TTC23L: variants seen among roughly 807,000 people sequenced by gnomAD.
The protein encoded by TTC23L is tetratricopeptide repeat protein 23-like.
A neutral mutation model predicts 48.1 loss-of-function variants in TTC23L; 42 were observed. That is an observed-to-expected ratio of 0.87 (90% CI 0.68 to 1.13). The LOEUF is 1.13. Among genes scored for constraint, TTC23L ranks in the 50% most tolerant of loss-of-function variants. TTC23L has a pLI of 0.00. For missense variants in TTC23L, 391 were observed against 421.0 expected (o/e 0.93, Z 0.62); for synonymous variants, 159 against 157.2 (o/e 1.01, Z -0.09).
At chr5:34,909,554 GA>G in the TTC23L span, among the ~76,000 whole-genome samples, 40 of 152,252 alleles carry the variant, frequency 2.6e-4, no homozygotes, top group Admixed American at 2.1e-3. Context: ...TGGGTTTGAA[GA>G]AAATCAATTG....
At chr5:34,877,933 T>G (rs1163819404) in intron 8 of TTC23L, among the ~76,000 whole-genome samples, 1 of 152,190 alleles carries the variant, frequency 6.6e-6, no homozygotes, top group Non-Finnish European at 1.5e-5. Context: ...TTAGAAAATT[T>G]GAAAGAATCA....
At chr5:34,911,868 C>T in the TTC23L span, 2 of 1,564,082 alleles carry the variant, frequency 1.3e-6, no homozygotes, top group African/African-American at 2.7e-5. Flanking sequence ...GGTTCAGCTT[C>T]TCCTCGAAAT....
chr5:34,909,006 C>G, the TTC23L span: 3 of 1,399,476 alleles, frequency 2.1e-6, no homozygotes. Flanking sequence ...GCTCAGAACT[C>G]CCAAGTAAAG....
chr5:34,923,389 T>C, the TTC23L span: 1 of 618,690 alleles, frequency 1.6e-6, no homozygotes, highest in Non-Finnish European at 2.9e-6. Flanking sequence ...AAGCTTCTGC[T>C]CCCTCAGTCT....
At chr5:34,869,349 G>T in intron 8 of TTC23L, 1 of 213,462 alleles carries the variant, frequency 4.7e-6, no homozygotes, top group Non-Finnish European at 9.7e-6. Context: ...GTGATAAATG[G>T]GTAGAGCTTT....
At chr5:34,860,411 C>T (rs1561132185) in intron 4 of TTC23L, among the ~76,000 whole-genome samples, 1 of 152,214 alleles carries the variant, frequency 6.6e-6, no homozygotes, top group Non-Finnish European at 1.5e-5. Flanking sequence ...CAAGTGTGGT[C>T]CTCAGACAAC....
intron 4 of TTC23L, among the ~76,000 whole-genome samples, chr5:34,854,384 T>C (rs1759946398): frequency 6.6e-6 from 1 of 152,236 alleles, no homozygotes; most frequent in African/African-American, 2.4e-5. Context: ...AAGCTTTCTT[T>C]GAGAATAGCC....
chr5:34,913,487 C>T, the TTC23L span: 1 of 1,583,468 alleles, frequency 6.3e-7, no homozygotes, highest in African/African-American at 1.4e-5. Context: ...AGGACTTGAT[C>T]CAAAAATAGA....
the TTC23L span, chr5:34,911,601 C>T: frequency 1.1e-3 from 1,746 of 1,614,126 alleles, 2 homozygotes; most frequent in Middle Eastern, 2.0e-3. Context: ...GGACTTCACT[C>T]GTCATATCCA....
the TTC23L span, chr5:34,907,864 C>T: frequency 1.3e-5 from 2 of 152,118 alleles, no homozygotes; most frequent in African/African-American, 4.8e-5. Context: ...TCATCTCATA[C>T]AATTAAATGC....
chr5:34,911,790 C>T, the TTC23L span: 4 of 1,614,038 alleles, frequency 2.5e-6, no homozygotes, highest in African/African-American at 5.3e-5. Context: ...CTTGGTAACA[C>T]ATTCGAAGTG....
intron 9 of TTC23L, among the ~76,000 whole-genome samples, chr5:34,892,136 A>G (rs1485811372): frequency 1.3e-5 from 2 of 152,194 alleles, no homozygotes; most frequent in Non-Finnish European, 2.9e-5. Context: ...TGCAAACTTC[A>G]GCATCTTGCT....
Position 34,844,444 on chromosome 5 carries a change from C to CAAAAAA in TTC23L, c.69-1031_69-1026dup, listed in dbSNP as rs10675653. On this transcript the variant is annotated intron_variant, in intron 2 of 10. Coordinates refer to ENST00000505624, the Ensembl canonical transcript of TTC23L. The stretch of plus-strand genomic sequence containing the variant: ...AGACCCAAAGAGTGAGCAGCAGCAG[C>CAAAAAA]AAAAAAAAAAAAAAAAAGGTTACAC... Among the ~76,000 whole-genome samples the CAAAAAA allele has an allele frequency of 1.2e-4, 15 of 122,710 alleles. 1 individual carries two copies. The highest frequency in any genetic ancestry group is 4.1e-4 in the African/African-American group (13 of 32,034). The allele number at this position is 122,710 out of a possible 152,430, so 80.5% of individuals were successfully genotyped here. A position where few individuals can be genotyped will look rare whatever the true frequency, so the allele number is the denominator to read the frequency against.
chr5:34,897,492 T>C (rs1021698739), intron 10 of TTC23L, among the ~76,000 whole-genome samples: 1 of 152,202 alleles, frequency 6.6e-6, no homozygotes, highest in Admixed American at 6.5e-5. Context: ...TTTATTTTTA[T>C]ATTTTAAATT....
At position 34,863,049 on chromosome 5, in the gene TTC23L, G is replaced by A. The variant is rs762876670; in HGVS notation, c.531G>A (p.Gln177=). The change falls in exon 5 of 11, where the codon CAG becomes CAA. Residue 177 remains glutamine (Q), a synonymous_variant. Transcript: ENST00000505624. The surrounding 1 kb of genome is among the most constrained non-coding windows in gnomAD (Gnocchi z 4.1). ...CTCTGGGCGTGGCCTGGCTCCTGCA[G>A]AACCGATATCCTTCCATTCCTAGCT... The A allele has an allele frequency of 1.2e-6, 2 of 1,613,896 alleles. No individual in the cohort carries two copies. The highest frequency in any genetic ancestry group is 1.1e-5 in the South Asian group (1 of 91,062).
intron 9 of TTC23L, among the ~76,000 whole-genome samples, chr5:34,890,707 A>T (rs775026494): frequency 3.5e-4 from 53 of 152,270 alleles, no homozygotes; most frequent in Non-Finnish European, 5.1e-4. Context: ...TAGAATTTTA[A>T]TCTGGGTCTC....
intron 9 of TTC23L, among the ~76,000 whole-genome samples, chr5:34,894,283 GA>G (rs1252749932): frequency 2.6e-5 from 4 of 151,718 alleles, no homozygotes; most frequent in African/African-American, 7.3e-5. Context: ...CAAACAATGG[GA>G]AAAAAATGTC....
intron 3 of TTC23L, among the ~76,000 whole-genome samples, chr5:34,849,444 G>A (rs1759485343): frequency 5.3e-5 from 8 of 152,206 alleles, no homozygotes; most frequent in Admixed American, 5.2e-4. Flanking sequence ...ATTTATGTCT[G>A]TGGGAAATAC....
chr5:34,894,887 A>G (rs537997476), intron 9 of TTC23L, among the ~76,000 whole-genome samples: 1 of 107,218 alleles, frequency 9.3e-6, no homozygotes, highest in South Asian at 3.3e-4. Context: ...AGTGTTAATG[A>G]TGATGATGAT....
Sources: allele counts gnomAD v4.1 joint callset (sites outside exome capture counted in the v4.1 genomes callset), GRCh38; gene constraint gnomAD v4.1.1; non-coding constraint Gnocchi (gnomAD v3.1); transcripts MANE v1.5; gene names NCBI Gene and HGNC (gene_info 2026-07-23, HGNC 2026-07-21).